The following UQCC6 variants were observed in gnomAD, a reference collection of about 807,000 sequenced individuals.
The protein encoded by UQCC6 is ubiquinol-cytochrome c reductase complex assembly factor 6.
At chr12:103,951,630 T>C in the UQCC6 span, 4 of 1,496,874 alleles carry the variant, frequency 2.7e-6, no homozygotes, top group South Asian at 1.3e-5. Context: ...TCAGGTATTG[T>C]CTGCAAAAAA....
chr12:103,954,220 A>G, the UQCC6 span, among the ~76,000 whole-genome samples: 1 of 152,184 alleles, frequency 6.6e-6, no homozygotes. Context: ...GTGTACGTGA[A>G]CTCCTATTCA....
chr12:103,959,982 C>T, the UQCC6 span, among the ~76,000 whole-genome samples: 79 of 151,670 alleles, frequency 5.2e-4, 2 homozygotes, highest in African/African-American at 1.8e-3. Context: ...ACCATGTTGT[C>T]CAGGCTGGTC....
the UQCC6 span, chr12:103,953,776 C>G: frequency 1.8e-6 from 1 of 550,410 alleles, no homozygotes; most frequent in Non-Finnish European, 3.3e-6. Flanking sequence ...CTATCTCCTC[C>G]CAAGGTACAG....
chr12:103,954,862 A>G, the UQCC6 span: 1 of 684,054 alleles, frequency 1.5e-6, no homozygotes, highest in African/African-American at 1.8e-5. Flanking sequence ...ACAGGAGCAA[A>G]AAAGAGACAT....
the UQCC6 span, among the ~76,000 whole-genome samples, chr12:103,963,474 A>C: frequency 2.6e-5 from 4 of 152,210 alleles, no homozygotes; most frequent in Non-Finnish European, 4.4e-5. Context: ...TTTCCATATA[A>C]ATTTTAGAAT....
At chr12:103,954,857 A>G in the UQCC6 span, 1 of 679,372 alleles carries the variant, frequency 1.5e-6, no homozygotes, top group Non-Finnish European at 2.7e-6. Flanking sequence ...TATGAACAGG[A>G]GCAAAAAAGA....
the UQCC6 span, chr12:103,951,758 C>T: frequency 1.7e-6 from 1 of 579,864 alleles, no homozygotes; most frequent in Non-Finnish European, 3.1e-6. Context: ...TCAATGATAA[C>T]TCTTTATTAT....
chr12:103,952,887 C>T, the UQCC6 span, among the ~76,000 whole-genome samples: 1 of 152,096 alleles, frequency 6.6e-6, no homozygotes, highest in Non-Finnish European at 1.5e-5. Context: ...GCAGATGGAA[C>T]CACAAGTGCA....
chr12:103,954,456 G>C, the UQCC6 span, among the ~76,000 whole-genome samples: 2 of 152,186 alleles, frequency 1.3e-5, no homozygotes, highest in Non-Finnish European at 2.9e-5. Context: ...GTAACACAAG[G>C]CAAGAGAGGG....
chr12:103,956,943 T>C, the UQCC6 span: 1 of 555,370 alleles, frequency 1.8e-6, no homozygotes, highest in Non-Finnish European at 3.2e-6. Flanking sequence ...ACGAACGCCC[T>C]CCAGGCCGAG....
At chr12:103,952,708 T>C in the UQCC6 span, among the ~76,000 whole-genome samples, 1 of 152,224 alleles carries the variant, frequency 6.6e-6, no homozygotes, top group Non-Finnish European at 1.5e-5. Context: ...ACAGCCATTG[T>C]AGTGGGTATG....
chr12:103,958,813 G>A, the UQCC6 span, among the ~76,000 whole-genome samples: 10 of 152,074 alleles, frequency 6.6e-5, no homozygotes, highest in Non-Finnish European at 1.0e-4. Flanking sequence ...AGTCACATAC[G>A]GTTACAACTT....
the UQCC6 span, chr12:103,956,667 C>T: frequency 3.2e-6 from 5 of 1,551,724 alleles, no homozygotes; most frequent in Non-Finnish European, 4.4e-6. Flanking sequence ...CCACTTCTGC[C>T]CCTGCGCACA....
the UQCC6 span, among the ~76,000 whole-genome samples, chr12:103,951,836 G>T: frequency 2.6e-5 from 4 of 152,242 alleles, no homozygotes; most frequent in East Asian, 7.7e-4. Context: ...TCCTGGCAAG[G>T]TCTTCAGCAT....
the UQCC6 span, chr12:103,956,630 C>T: frequency 3.9e-3 from 6,076 of 1,543,894 alleles, 15 homozygotes; most frequent in Non-Finnish European, 4.8e-3. Context: ...CCCGCACTCA[C>T]CAGGTCCGGT....
the UQCC6 span, chr12:103,950,751 G>A: frequency 6.6e-6 from 1 of 152,134 alleles, no homozygotes; most frequent in African/African-American, 2.4e-5. Flanking sequence ...TTTTACCCAA[G>A]GTAAATTTTT....
chr12:103,954,985 C>T, the UQCC6 span: 9 of 700,354 alleles, frequency 1.3e-5, no homozygotes, highest in Admixed American at 1.6e-4. Flanking sequence ...ACAGAAATAA[C>T]ACCTTCAAAA....
the UQCC6 span, among the ~76,000 whole-genome samples, chr12:103,962,797 G>A: frequency 6.6e-6 from 1 of 152,246 alleles, no homozygotes; most frequent in Admixed American, 6.5e-5. Flanking sequence ...TTGCTCTGCA[G>A]GAGCAGTCTT....
the UQCC6 span, among the ~76,000 whole-genome samples, chr12:103,952,757 G>A: frequency 6.6e-6 from 1 of 152,190 alleles, no homozygotes; most frequent in African/African-American, 2.4e-5. Flanking sequence ...GCCTTTCTCT[G>A]GTGGCTAATG....
Sources: allele counts gnomAD v4.1 joint callset (sites outside exome capture counted in the v4.1 genomes callset), GRCh38; gene constraint gnomAD v4.1.1; transcripts MANE v1.5; gene names NCBI Gene and HGNC (gene_info 2026-07-23, HGNC 2026-07-21).